The following EXOC6 variants were observed in gnomAD, a reference collection of about 807,000 sequenced individuals.
EXOC6 encodes the protein SEC15-like 1.
In EXOC6, 60 loss-of-function variants were observed where a neutral mutation model predicts 112.5. That is an observed-to-expected ratio of 0.53 (90% confidence interval 0.43 to 0.66). EXOC6 has a LOEUF of 0.66. Ranked by LOEUF, EXOC6 falls within the 30% of genes least tolerant of loss-of-function variation. The pLI is 0.00. For missense variants in EXOC6, 855 were observed against 957.1 expected (o/e 0.89, Z 1.41); for synonymous variants, 295 against 308.0 (o/e 0.96, Z 0.44).
chr10:92,896,594 T>C (rs923359104), intron 4 of EXOC6, among the ~76,000 whole-genome samples: 9 of 151,730 alleles, frequency 5.9e-5, no homozygotes, highest in Admixed American at 6.6e-5. Context: ...AGTATTATTA[T>C]TATTATTATT....
At chr10:92,946,477 C>T (rs1853016165) in intron 13 of EXOC6, among the ~76,000 whole-genome samples, 1 of 152,144 alleles carries the variant, frequency 6.6e-6, no homozygotes, top group Non-Finnish European at 1.5e-5. Context: ...TTCAGATCCT[C>T]GTCACCTTTT....
chr10:92,837,352 G>GTT (rs1285555356), intron 1 of EXOC6, among the ~76,000 whole-genome samples: 1 of 152,182 alleles, frequency 6.6e-6, no homozygotes, highest in African/African-American at 2.4e-5. Flanking sequence ...CAGCAAAGAA[G>GTT]AGAAGGAGGA....
intron 16 of EXOC6, among the ~76,000 whole-genome samples, chr10:92,955,228 A>G (rs76482146): frequency 0.011 from 1,619 of 152,274 alleles, 34 homozygotes; most frequent in African/African-American, 0.037. Flanking sequence ...AATAGTAGAT[A>G]AAGATGTTAG....
chr10:92,877,305 C>G (rs989901649), intron 1 of EXOC6, among the ~76,000 whole-genome samples: 1 of 150,780 alleles, frequency 6.6e-6, no homozygotes, highest in Non-Finnish European at 1.5e-5. Flanking sequence ...TTTTTTTTTC[C>G]TGTAATATCC....
chr10:92,999,793 C>G (rs983304833), intron 19 of EXOC6, among the ~76,000 whole-genome samples: 3 of 151,304 alleles, frequency 2.0e-5, no homozygotes, highest in Non-Finnish European at 4.4e-5. Context: ...ACCTCTGCCT[C>G]CTGGGTTCCA....
intron 7 of EXOC6, 87 bp downstream of exon 7, chr10:92,916,000 T>C (rs61862282): frequency 0.017 from 16,646 of 963,718 alleles, 211 homozygotes; most frequent in African/African-American, 0.041. Context: ...TTAGTCTTCC[T>C]GTATGCAAAA....
At chr10:92,883,292 A>G (rs1849053052) in intron 1 of EXOC6, among the ~76,000 whole-genome samples, 1 of 152,224 alleles carries the variant, frequency 6.6e-6, no homozygotes, top group Non-Finnish European at 1.5e-5. Flanking sequence ...GATGATTTTA[A>G]TAGCTTTTGG....
At chr10:92,910,161 A>T (rs767732666) in intron 6 of EXOC6, among the ~76,000 whole-genome samples, 2 of 152,232 alleles carry the variant, frequency 1.3e-5, no homozygotes, top group Non-Finnish European at 2.9e-5. Flanking sequence ...AAACAAAAAA[A>T]CATGGGCTCA....
chr10:92,957,765 T>C (rs192351067), intron 17 of EXOC6, among the ~76,000 whole-genome samples: 223 of 152,296 alleles, frequency 1.5e-3, no homozygotes, highest in Non-Finnish European at 2.3e-3. Context: ...AGGGGAAGCA[T>C]TTCAACAGGG....
At chr10:92,831,534 A>T (rs923203860), upstream of EXOC6, among the ~76,000 whole-genome samples, 7 of 152,048 alleles carry the variant, frequency 4.6e-5, no homozygotes, top group Admixed American at 6.6e-5. Flanking sequence ...GCCGGGTTCA[A>T]GCAATTCTCC....
intron 1 of EXOC6, among the ~76,000 whole-genome samples, chr10:92,879,154 G>T: frequency 6.6e-6 from 1 of 152,124 alleles, no homozygotes; most frequent in Middle Eastern, 3.2e-3. Context: ...CCTATAAAAT[G>T]CTAATGTTAT....
chr10:92,928,053 A>G (rs530919104), intron 8 of EXOC6, among the ~76,000 whole-genome samples: 1 of 152,346 alleles, frequency 6.6e-6, no homozygotes, highest in South Asian at 2.1e-4. Flanking sequence ...ACTGATAGCC[A>G]TATTTTGGTT....
chr10:93,018,113 C>T (rs1416369679), intron 20 of EXOC6, among the ~76,000 whole-genome samples: 2 of 151,778 alleles, frequency 1.3e-5, no homozygotes, highest in Non-Finnish European at 2.9e-5. Context: ...AATCACACCC[C>T]CCTATATGTA....
Position 92,909,564 on chromosome 10 carries a change from A to G in EXOC6, c.596A>G (p.Asp199Gly). 2 of 1,613,386 alleles carry G rather than the reference A, an allele frequency of 1.2e-6. No individual in the cohort carries two copies. The highest frequency in any genetic ancestry group is 1.7e-6 in the Non-Finnish European group (2 of 1,179,528). ...GATATTAAAGAAATCTCCATGTCTGATCTCAAAGACTTTTTGGAAAGTATT... is the reference window on the plus strand; with the variant it reads ...GATATTAAAGAAATCTCCATGTCTGGTCTCAAAGACTTTTTGGAAAGTATT... ...REDIKEISMSDLKDFLESIRK... is the reference protein window; with the variant it reads ...REDIKEISMSGLKDFLESIRK... The change falls in exon 6 of 22, where the codon GAT becomes GGT. Residue 199 changes from aspartate (D) to glycine (G), a missense_variant. By Grantham distance (94) the Asp-to-Gly change is moderately conservative. Coordinates refer to ENST00000260762, the MANE Select transcript of EXOC6 (RefSeq NM_019053.6).
chr10:92,963,941 G>A, intron 17 of EXOC6, among the ~76,000 whole-genome samples: 1 of 151,482 alleles, frequency 6.6e-6, no homozygotes, highest in East Asian at 1.9e-4. Flanking sequence ...TGATCAAATG[G>A]TAATCTGTGA....
intron 20 of EXOC6, among the ~76,000 whole-genome samples, chr10:93,038,812 G>A (rs1378671374): frequency 2.0e-5 from 3 of 152,160 alleles, no homozygotes; most frequent in South Asian, 4.1e-4. Flanking sequence ...CTCTACCCTT[G>A]AAGAACTCAA....
At chr10:93,046,248 C>T (rs1214995670) in intron 20 of EXOC6, among the ~76,000 whole-genome samples, 1 of 152,178 alleles carries the variant, frequency 6.6e-6, no homozygotes, top group Non-Finnish European at 1.5e-5. Context: ...AGGAAAAAGG[C>T]ACTTCAACTG....
chr10:93,017,229 A>G (rs561485288), intron 20 of EXOC6, among the ~76,000 whole-genome samples: 1 of 152,206 alleles, frequency 6.6e-6, no homozygotes, highest in South Asian at 2.1e-4. Context: ...TTCTTGGCAT[A>G]CAGAGTTATA....
chr10:93,046,326 G>C (rs766429205), intron 20 of EXOC6, among the ~76,000 whole-genome samples: 1 of 152,150 alleles, frequency 6.6e-6, no homozygotes, highest in Non-Finnish European at 1.5e-5. Flanking sequence ...TGGAATTATT[G>C]ATATTTGATT....
Sources: allele counts gnomAD v4.1 joint callset (sites outside exome capture counted in the v4.1 genomes callset), GRCh38; gene constraint gnomAD v4.1.1; transcripts MANE v1.5; gene names NCBI Gene and HGNC (gene_info 2026-07-23, HGNC 2026-07-21).